Variants in DENND2A observed in about 807,000 individuals in gnomAD.
DENND2A encodes DENN domain-containing protein 2A.
In DENND2A, 53 loss-of-function variants were observed where a neutral mutation model predicts 105.3. That is an observed-to-expected ratio of 0.50 (90% CI 0.40 to 0.63). DENND2A has a LOEUF of 0.63. DENND2A is among the 30% of genes least tolerant of loss of function. DENND2A has a pLI of 0.00. For synonymous variants in DENND2A, 522 were observed against 508.4 expected (o/e 1.03, Z -0.36); for missense variants, 1,138 against 1,279.6 (o/e 0.89, Z 1.69).
At chr7:140,541,440 G>C (rs549749459) in intron 14 of DENND2A, among the ~76,000 whole-genome samples, 2 of 152,110 alleles carry the variant, frequency 1.3e-5, no homozygotes, top group African/African-American at 2.4e-5. Flanking sequence ...GGGGGTGCTG[G>C]GTTTCCTTGG....
chr7:140,599,894 A>G (rs1490105355), intron 3 of DENND2A, among the ~76,000 whole-genome samples: 2 of 152,070 alleles, frequency 1.3e-5, no homozygotes, highest in Non-Finnish European at 2.9e-5. Flanking sequence ...TATAGTTTAT[A>G]TTTTTAGAAG....
intron 1 of DENND2A, among the ~76,000 whole-genome samples, chr7:140,612,235 C>T (rs948226796): frequency 6.8e-6 from 1 of 147,350 alleles, no homozygotes; most frequent in Admixed American, 6.7e-5. Context: ...AGCGAAACTC[C>T]GTCTCAAGAA....
At position 140,518,605 on chromosome 7, in the gene DENND2A, GCAC is replaced by G; in HGVS notation, c.*99_*101del. 7.6e-7 allele frequency: 1 copy of G among 1,315,688 alleles called. No homozygotes were observed. Among genetic ancestry groups the G allele is most frequent in the Non-Finnish European group, 1.1e-6 (1 of 926,756 alleles). The allele number at this position is 1,315,688 out of a possible 1,614,324, so 81.5% of individuals were successfully genotyped here. A position where few individuals can be genotyped will look rare whatever the true frequency, so the allele number is the denominator to read the frequency against. On this transcript the variant is annotated 3_prime_UTR_variant, in exon 20 of 20. Transcript: ENST00000496613. ...AGAAGCCACCGCGGCCTCCAGTTCC[GCAC>G]CGTGACAACCTGGGACCCAGCCTTT...
At position 140,559,824 on chromosome 7, in the gene DENND2A, GGA is replaced by G; in HGVS notation, c.1780-9_1780-8del. On this transcript the variant is annotated splice_polypyrimidine_tract_variant and splice_region_variant and intron_variant, in intron 9 of 19. Coordinates refer to ENST00000496613, the MANE Select transcript of DENND2A (RefSeq NM_015689.5). The surrounding 1 kb of genome is among the most constrained non-coding windows in gnomAD (Gnocchi z 4.1). Reference sequence around the variant, plus strand: ...ACTTGAAAGACCTTTCCAACTGCAGGGAGAAAGGTGAGAGAAAATTCGAGAAC... The same window carrying G: ...ACTTGAAAGACCTTTCCAACTGCAGGGAAAGGTGAGAGAAAATTCGAGAAC... 1 of 1,598,824 alleles carries G rather than the reference GGA, an allele frequency of 6.3e-7. No homozygotes were observed. Among genetic ancestry groups the G allele is most frequent in the Non-Finnish European group, 8.6e-7 (1 of 1,166,100 alleles).
intron 14 of DENND2A, among the ~76,000 whole-genome samples, chr7:140,539,957 A>T (rs1190458197): frequency 6.6e-6 from 1 of 152,236 alleles, no homozygotes; most frequent in African/African-American, 2.4e-5. Flanking sequence ...CAGAGAAAAC[A>T]AGACAGCGGA....
chr7:140,560,239 G>A (rs143532753), intron 9 of DENND2A, among the ~76,000 whole-genome samples: 1 of 152,204 alleles, frequency 6.6e-6, no homozygotes, highest in Non-Finnish European at 1.5e-5. Flanking sequence ...CATTCTCAGT[G>A]AATAAATCCA....
chr7:140,567,324 G>C, intron 8 of DENND2A, 51 bp from the exon 9 acceptor site: 1 of 1,415,250 alleles, frequency 7.1e-7, no homozygotes, highest in Non-Finnish European at 9.4e-7. Flanking sequence ...GAGAGAGAGA[G>C]AGAGAGAGAG....
chr7:140,641,128 C>G (rs909042375), upstream of DENND2A, among the ~76,000 whole-genome samples: 10 of 152,298 alleles, frequency 6.6e-5, no homozygotes, highest in South Asian at 1.2e-3. Flanking sequence ...GGCCGCGTGC[C>G]CGGCCCCGCT....
At chr7:140,588,197 C>T (rs754642520) in intron 3 of DENND2A, among the ~76,000 whole-genome samples, 5 of 152,122 alleles carry the variant, frequency 3.3e-5, no homozygotes, top group East Asian at 1.9e-4. Flanking sequence ...ACACTGTGCC[C>T]GGCCTGAAAT....
intron 1 of DENND2A, among the ~76,000 whole-genome samples, chr7:140,632,807 G>A (rs527249055): frequency 6.6e-6 from 1 of 150,662 alleles, no homozygotes; most frequent in African/African-American, 2.4e-5. Flanking sequence ...CAGGTGATCC[G>A]GCCCACCTCA....
intron 12 of DENND2A, among the ~76,000 whole-genome samples, chr7:140,549,248 A>G (rs1031055116): frequency 2.6e-5 from 4 of 151,740 alleles, no homozygotes; most frequent in Non-Finnish European, 4.4e-5. Context: ...TAAAATACCA[A>G]TGGAATTTCA....
chr7:140,597,295 AT>A (rs1487459204), intron 3 of DENND2A, among the ~76,000 whole-genome samples: 5 of 152,250 alleles, frequency 3.3e-5, no homozygotes, highest in Non-Finnish European at 5.9e-5. Context: ...TGAAACCCTC[AT>A]AACCTCTAAA....
chr7:140,633,897 G>A (rs1307512332), intron 1 of DENND2A, among the ~76,000 whole-genome samples: 1 of 151,920 alleles, frequency 6.6e-6, no homozygotes. Flanking sequence ...CTCCAACCTC[G>A]GCTACTACCA....
At chr7:140,591,317 AT>A (rs1799008478) in intron 3 of DENND2A, among the ~76,000 whole-genome samples, 1 of 152,214 alleles carries the variant, frequency 6.6e-6, no homozygotes, top group Non-Finnish European at 1.5e-5. Context: ...CTGTTTCAAA[AT>A]AAAAGATGGT....
intron 1 of DENND2A, among the ~76,000 whole-genome samples, chr7:140,624,927 G>A (rs979901857): frequency 1.3e-5 from 2 of 148,754 alleles, no homozygotes; most frequent in Non-Finnish European, 3.0e-5. Flanking sequence ...CTGGAGCGCA[G>A]TGATGTGAAT....
intron 6 of DENND2A, among the ~76,000 whole-genome samples, chr7:140,570,909 G>A (rs7795017): frequency 0.027 from 4,062 of 152,296 alleles, 183 homozygotes; most frequent in African/African-American, 0.092. Flanking sequence ...TGAGAAGCTG[G>A]TGAGTGCGAA....
At chr7:140,533,963 G>A (rs1025386517) in intron 14 of DENND2A, among the ~76,000 whole-genome samples, 1 of 152,066 alleles carries the variant, frequency 6.6e-6, no homozygotes, top group African/African-American at 2.4e-5. Flanking sequence ...GCCCAGACTG[G>A]AGTGCAGTGG....
intron 12 of DENND2A, among the ~76,000 whole-genome samples, chr7:140,554,584 C>T (rs909065611): frequency 2.0e-5 from 3 of 152,032 alleles, no homozygotes; most frequent in African/African-American, 4.8e-5. Context: ...TGCAGTGAGC[C>T]GAGATCGCAC....
intron 15 of DENND2A, among the ~76,000 whole-genome samples, chr7:140,526,214 G>C (rs960286180): frequency 6.6e-6 from 1 of 152,250 alleles, no homozygotes; most frequent in African/African-American, 2.4e-5. Context: ...CCCTCCAGGG[G>C]AGAGGAGGAG....
Sources: gnomAD v4.1 joint callset for allele counts (sites outside exome capture counted in the v4.1 genomes callset) on GRCh38, gnomAD v4.1.1 for gene constraint, Gnocchi (gnomAD v3.1) non-coding constraint, MANE v1.5 for transcripts, NCBI Gene and HGNC (gene_info 2026-07-23, HGNC 2026-07-21) for gene names.